FSTL4: variants seen among roughly 807,000 people sequenced by gnomAD.
FSTL4 encodes follistatin-related protein 4.
Under a neutral mutation model 78.2 loss-of-function variants are expected in FSTL4, and 28 were observed. The ratio of observed to expected loss-of-function variants is 0.36; its 90% CI spans 0.27 to 0.49. The LOEUF (loss-of-function observed/expected upper bound fraction) is 0.49, where lower values mean the gene tolerates loss of function less well. FSTL4 is among the 20% of genes least tolerant of loss of function. The pLI is 0.98. For missense variants in FSTL4, 922 were observed against 1,084.9 expected, an observed-to-expected ratio of 0.85 and a Z score of 2.11; for synonymous variants, 422 against 440.5, an observed-to-expected ratio of 0.96 and a Z score of 0.53.
intron 3 of FSTL4, among the ~76,000 whole-genome samples, chr5:133,464,445 G>A (rs1757659497): frequency 6.6e-6 from 1 of 152,194 alleles, no homozygotes; most frequent in Non-Finnish European, 1.5e-5. Flanking sequence ...GGTTCCAGTT[G>A]TTCAAGGGAT....
intron 3 of FSTL4, among the ~76,000 whole-genome samples, chr5:133,414,991 C>A (rs528084064): frequency 3.7e-4 from 57 of 152,356 alleles, no homozygotes; most frequent in Non-Finnish European, 5.7e-4. Flanking sequence ...CTATGCACCT[C>A]TCTTCCACCT....
At chr5:133,588,382 C>T (rs576670505) in intron 2 of FSTL4, among the ~76,000 whole-genome samples, 17 of 67,626 alleles carry the variant, frequency 2.5e-4, no homozygotes, top group South Asian at 7.3e-4. Flanking sequence ...TCGCAACCTA[C>T]GCATCTGACA....
At chr5:133,733,667 T>C in the FSTL4 span, among the ~76,000 whole-genome samples, 3 of 152,356 alleles carry the variant, frequency 2.0e-5, no homozygotes, top group African/African-American at 7.2e-5. Flanking sequence ...ACAACTCCAT[T>C]AGTTATCTAT....
At chr5:133,364,066 C>T (rs183549549) in intron 4 of FSTL4, among the ~76,000 whole-genome samples, 5 of 152,336 alleles carry the variant, frequency 3.3e-5, no homozygotes, top group Non-Finnish European at 7.3e-5. Context: ...TAATTCCCTT[C>T]TCACTGAACA....
At chr5:133,595,696 C>T (rs936162962) in intron 2 of FSTL4, among the ~76,000 whole-genome samples, 1 of 152,244 alleles carries the variant, frequency 6.6e-6, no homozygotes, top group African/African-American at 2.4e-5. Context: ...AAACACAAAA[C>T]CACAGCTCTG....
At chr5:133,762,287 T>C in the FSTL4 span, among the ~76,000 whole-genome samples, 1 of 152,116 alleles carries the variant, frequency 6.6e-6, no homozygotes, top group Non-Finnish European at 1.5e-5. Context: ...TCCATGCTTT[T>C]AAAGGGACCT....
chr5:133,495,917 C>T (rs1758359371), intron 3 of FSTL4, among the ~76,000 whole-genome samples: 1 of 152,132 alleles, frequency 6.6e-6, no homozygotes, highest in African/African-American at 2.4e-5. Context: ...GGGGTTCCTC[C>T]ACTGAAGTAA....
the FSTL4 span, among the ~76,000 whole-genome samples, chr5:133,666,541 T>C: frequency 6.6e-6 from 1 of 152,012 alleles, no homozygotes; most frequent in Non-Finnish European, 1.5e-5. Flanking sequence ...TTAAAGGATA[T>C]TTAAAACGTT....
At chr5:133,373,243 C>T (rs767583108) in intron 4 of FSTL4, among the ~76,000 whole-genome samples, 16 of 152,220 alleles carry the variant, frequency 1.1e-4, no homozygotes, top group Non-Finnish European at 1.8e-4. Flanking sequence ...GCGGCTATTA[C>T]GAAGAGCCCC....
chr5:133,674,241 T>C, the FSTL4 span, among the ~76,000 whole-genome samples: 1 of 152,194 alleles, frequency 6.6e-6, no homozygotes, highest in Non-Finnish European at 1.5e-5. Flanking sequence ...CTGAAGGCTG[T>C]TCTGCCTTTC....
intron 7 of FSTL4, among the ~76,000 whole-genome samples, chr5:133,237,605 G>C (rs1430348172): frequency 6.6e-6 from 1 of 152,186 alleles, no homozygotes; most frequent in Non-Finnish European, 1.5e-5. Context: ...ACGTCTCTGG[G>C]TGAAAATGAT....
chr5:133,267,445 C>T (rs7711981), intron 6 of FSTL4, among the ~76,000 whole-genome samples: 101,330 of 152,034 alleles, frequency 0.67, 34,556 homozygotes, highest in East Asian at 0.84. Context: ...ACAGGGAGGC[C>T]GGGTGAGGAA....
chr5:133,244,141 C>A (rs915992879), intron 7 of FSTL4: 2 of 152,082 alleles, frequency 1.3e-5, no homozygotes, highest in African/African-American at 4.8e-5. Flanking sequence ...ATGGGTCTCA[C>A]CCCAGCCCCC....
chr5:133,735,710 C>T, the FSTL4 span, among the ~76,000 whole-genome samples: 12 of 152,122 alleles, frequency 7.9e-5, no homozygotes, highest in South Asian at 1.0e-3. Flanking sequence ...ACAAGCAATG[C>T]GAGGCCTCTG....
At chr5:133,464,914 A>G (rs749879439) in intron 3 of FSTL4, among the ~76,000 whole-genome samples, 44 of 152,150 alleles carry the variant, frequency 2.9e-4, no homozygotes, top group Non-Finnish European at 5.4e-4. Context: ...AACCACATCT[A>G]TAATACATCC....
At chr5:133,285,035 T>C (rs1753098189) in intron 6 of FSTL4, among the ~76,000 whole-genome samples, 1 of 152,148 alleles carries the variant, frequency 6.6e-6, no homozygotes, top group Non-Finnish European at 1.5e-5. Context: ...CACAAGATGA[T>C]AGGTGATGCT....
chr5:133,576,507 C>T (rs890464677), intron 2 of FSTL4, among the ~76,000 whole-genome samples: 3 of 152,184 alleles, frequency 2.0e-5, no homozygotes, highest in Admixed American at 2.0e-4. Context: ...TCTTCGTAGA[C>T]AAAGCAGAAT....
chr5:133,576,204 T>C (rs1297908372), intron 2 of FSTL4, among the ~76,000 whole-genome samples: 1 of 152,214 alleles, frequency 6.6e-6, no homozygotes, highest in Non-Finnish European at 1.5e-5. Context: ...AGAGTATAAA[T>C]GAGCACTCTC....
chr5:133,436,677 G>A (rs1439409579), intron 3 of FSTL4, among the ~76,000 whole-genome samples: 2 of 152,042 alleles, frequency 1.3e-5, no homozygotes, highest in African/African-American at 2.4e-5. Flanking sequence ...GTCATCCACG[G>A]TAGTAGTATT....
Sources: gnomAD v4.1 joint callset for allele counts (sites outside exome capture counted in the v4.1 genomes callset) on GRCh38, gnomAD v4.1.1 for gene constraint, MANE v1.5 for transcripts, NCBI Gene and HGNC (gene_info 2026-07-23, HGNC 2026-07-21) for gene names.